The following ATXN2 variants were observed in gnomAD, a reference collection of about 807,000 sequenced individuals.
ATXN2 encodes the protein ataxin 2.
A neutral mutation model predicts 138.6 loss-of-function variants in ATXN2; 37 were observed. That is an observed-to-expected ratio of 0.27 (90% CI 0.21 to 0.35). ATXN2 has a LOEUF of 0.35. Ranked by LOEUF, ATXN2 falls within the 10% of genes least tolerant of loss-of-function variation. The probability of loss-of-function intolerance (pLI) is 1.00; values close to 1 mark genes in which losing one functional copy is unlikely to be tolerated. For synonymous variants in ATXN2, 549 were observed against 543.7 expected (o/e 1.01, Z -0.13); for missense variants, 1,216 against 1,480.3 (o/e 0.82, Z 2.93).
chr12:111,552,618 T>C lies in ATXN2; in HGVS notation c.421-188A>G. On this transcript the variant is annotated intron_variant, in intron 4 of 24. Coordinates refer to ENST00000673436, the MANE Select transcript of ATXN2 (RefSeq NM_001372574.1). This position sits in a 1 kb window ranked among gnomAD's most constrained non-coding sequence, Gnocchi z 4.1. ...TCATTTAAAAATCCTCATATCTAAATGTTTTTTGTTTCTATGGTTTGTCTT... is the reference window on the plus strand; with the variant it reads ...TCATTTAAAAATCCTCATATCTAAACGTTTTTTGTTTCTATGGTTTGTCTT... The C allele has an allele frequency of 1.5e-6, 1 of 658,396 alleles. No homozygotes were observed. Among genetic ancestry groups the C allele is most frequent in the South Asian group, 2.6e-5 (1 of 38,614 alleles). 40.8% of individuals were successfully genotyped at this position (658,396 alleles called of 1,614,324 possible).
At chr12:111,536,842 G>A (rs1341440284) in intron 5 of ATXN2, among the ~76,000 whole-genome samples, 1 of 142,490 alleles carries the variant, frequency 7.0e-6, no homozygotes, top group African/African-American at 2.7e-5. Context: ...GGAGTGCAGT[G>A]GCGTGATCTC....
At chr12:111,454,564 T>G (rs1874917950) in intron 23 of ATXN2, 1 of 158,308 alleles carries the variant, frequency 6.3e-6, no homozygotes. Flanking sequence ...TCACTCACTG[T>G]CAAGTTGGAA....
chr12:111,486,890 C>G (rs373932829), intron 15 of ATXN2, 66 bp from the exon 16 acceptor site: 11 of 1,354,692 alleles, frequency 8.1e-6, no homozygotes, highest in Middle Eastern at 1.8e-4. Context: ...TCTTCCATAC[C>G]TGACAATTTA....
intron 1 of ATXN2, among the ~76,000 whole-genome samples, chr12:111,589,578 C>A (rs1884539921): frequency 6.6e-6 from 1 of 151,966 alleles, no homozygotes; most frequent in South Asian, 2.1e-4. Flanking sequence ...TCGAGACCAG[C>A]CTGGCCAACA....
chr12:111,485,905 A>G (rs1372570450), intron 16 of ATXN2, 40 bp from the exon 17 acceptor site: 1 of 1,592,072 alleles, frequency 6.3e-7, no homozygotes, highest in African/African-American at 1.3e-5. Context: ...TCAAGGTAAC[A>G]GATGAACTAT....
intron 1 of ATXN2, among the ~76,000 whole-genome samples, chr12:111,584,173 A>G (rs1884184547): frequency 6.6e-6 from 1 of 151,682 alleles, no homozygotes; most frequent in South Asian, 2.1e-4. Context: ...TCTGAGCTCC[A>G]GAGTTCAAGA....
intron 1 of ATXN2, among the ~76,000 whole-genome samples, chr12:111,573,696 G>A (rs756602752): frequency 6.6e-6 from 1 of 152,180 alleles, no homozygotes; most frequent in Non-Finnish European, 1.5e-5. Context: ...GGCACTACCA[G>A]CCTGACAGGC....
chr12:111,598,270 C>A lies in ATXN2; in HGVS notation c.251+514G>T. ...TGATGATTCCGGAGGAGCCCGGTGCCTACCCCTTTAACCGGCACGGGGGAC... is the reference window on the plus strand; with the variant it reads ...TGATGATTCCGGAGGAGCCCGGTGCATACCCCTTTAACCGGCACGGGGGAC... On this transcript the variant is annotated intron_variant, in intron 1 of 24. Transcript: ENST00000673436. The surrounding 1 kb of genome is among the most constrained non-coding windows in gnomAD (Gnocchi z 4.5). 9.8e-7 allele frequency: 1 copy of A among 1,016,730 alleles called. No homozygotes were observed. Among genetic ancestry groups the A allele is most frequent in the Non-Finnish European group, 1.2e-6 (1 of 848,270 alleles). The allele number at this position is 1,016,730 out of a possible 1,614,324, so 63.0% of individuals were successfully genotyped here.
chr12:111,476,538 A>G (rs544665998), intron 18 of ATXN2, among the ~76,000 whole-genome samples: 1 of 152,326 alleles, frequency 6.6e-6, no homozygotes, highest in East Asian at 1.9e-4. Flanking sequence ...GCTGCCAGAA[A>G]CAGTGGGTTT....
intron 5 of ATXN2, among the ~76,000 whole-genome samples, chr12:111,529,663 C>T (rs1880703795): frequency 6.6e-6 from 1 of 152,140 alleles, no homozygotes; most frequent in South Asian, 2.1e-4. Context: ...ACGTGTGAAC[C>T]TCTTCTGGGT....
At chr12:111,585,673 C>A (rs1033844907) in intron 1 of ATXN2, among the ~76,000 whole-genome samples, 1 of 151,304 alleles carries the variant, frequency 6.6e-6, no homozygotes, top group Non-Finnish European at 1.5e-5. Context: ...GGTGTGTGAC[C>A]AATATCTGTA....
At chr12:111,549,822 G>C (rs573910282) in intron 5 of ATXN2, among the ~76,000 whole-genome samples, 1 of 152,270 alleles carries the variant, frequency 6.6e-6, no homozygotes, top group Non-Finnish European at 1.5e-5. Flanking sequence ...CCAGCACTCT[G>C]GGAGGCCAAG....
intron 21 of ATXN2, among the ~76,000 whole-genome samples, chr12:111,459,878 G>A (rs1393231843): frequency 6.7e-6 from 1 of 149,312 alleles, no homozygotes; most frequent in Non-Finnish European, 1.5e-5. Context: ...GGGATTACCT[G>A]GCTAATTTTT....
At chr12:111,583,790 A>AAAAAG (rs1884160516) in intron 1 of ATXN2, among the ~76,000 whole-genome samples, 1 of 149,918 alleles carries the variant, frequency 6.7e-6, no homozygotes, top group African/African-American at 2.5e-5. Flanking sequence ...AAAAAAAAAA[A>AAAAAG]CAGTGAACCA....
Position 111,510,004 on chromosome 12 carries a change from A to C in ATXN2, c.1757-6T>G. 1 of 1,579,662 alleles carries C rather than the reference A, an allele frequency of 6.3e-7. No homozygotes were observed. Among genetic ancestry groups the C allele is most frequent in the South Asian group, 1.2e-5 (1 of 85,538 alleles). ...TTGAAGCCTGGAATCTTTAGCTAGA[A>C]AACAATTTTTTAAAAAAAATTCAGA... On this transcript the variant is annotated splice_polypyrimidine_tract_variant and splice_region_variant and intron_variant, in intron 12 of 24. Coordinates refer to ENST00000673436, the MANE Select transcript of ATXN2 (RefSeq NM_001372574.1).
In ATXN2 at chr12:111,597,802, G is replaced by C; in HGVS notation, c.251+982C>G. On this transcript the variant is annotated intron_variant, in intron 1 of 24. Transcript: ENST00000673436. Reference sequence around the variant, plus strand: ...CCCCTGCTGCAATCTCTCTCTCCTAGCATTTCCGAAATTGGGGCGGGGGTT... The same window carrying C: ...CCCCTGCTGCAATCTCTCTCTCCTACCATTTCCGAAATTGGGGCGGGGGTT... 5 of 1,211,980 alleles carry C rather than the reference G, an allele frequency of 4.1e-6. No individual in the cohort carries two copies. The African/African-American group carries it at 4.7e-5, about 11-fold the overall frequency. The allele number at this position is 1,211,980 out of a possible 1,614,324, so 75.1% of individuals were successfully genotyped here.
At chr12:111,481,055 A>G (rs1187436096) in intron 18 of ATXN2, among the ~76,000 whole-genome samples, 1 of 152,228 alleles carries the variant, frequency 6.6e-6, no homozygotes, top group Non-Finnish European at 1.5e-5. Context: ...CGCGTCTAAA[A>G]TCTCAGCACT....
intron 1 of ATXN2, among the ~76,000 whole-genome samples, chr12:111,559,172 C>T (rs1232421775): frequency 2.0e-5 from 3 of 149,412 alleles, no homozygotes; most frequent in Non-Finnish European, 3.0e-5. Flanking sequence ...CTCACTCTGT[C>T]GCCAGGCTGG....
At chr12:111,486,194 T>C (rs1877629327) in intron 16 of ATXN2, among the ~76,000 whole-genome samples, 1 of 152,196 alleles carries the variant, frequency 6.6e-6, no homozygotes. Flanking sequence ...TCTCTTAGTA[T>C]CTGTGGGGGA....
Sources: gnomAD v4.1 joint callset for allele counts (sites outside exome capture counted in the v4.1 genomes callset) on GRCh38, gnomAD v4.1.1 for gene constraint, Gnocchi (gnomAD v3.1) non-coding constraint, MANE v1.5 for transcripts, NCBI Gene and HGNC (gene_info 2026-07-23, HGNC 2026-07-21) for gene names.